The following PCDH15 variants were observed in gnomAD, a reference collection of about 807,000 sequenced individuals.
PCDH15 encodes the protein protocadherin related 15, also known as protocadherin-15.
PCDH15 carries 129 observed loss-of-function variants against 178.5 expected under a neutral mutation model. That is an observed-to-expected ratio of 0.72 (90% CI 0.63 to 0.84). The LOEUF is 0.84. PCDH15 is among the 40% of genes least tolerant of loss of function. The pLI, the probability that PCDH15 is intolerant of heterozygous loss-of-function variation, is 0.00. For synonymous variants in PCDH15, 800 were observed against 732.0 expected (o/e 1.09, Z -1.50); for missense variants, 2,230 against 2,099.9 (o/e 1.06, Z -1.21).
intron 8 of PCDH15, among the ~76,000 whole-genome samples, chr10:54,239,372 A>T (rs2054987498): frequency 6.6e-6 from 1 of 151,508 alleles, no homozygotes; most frequent in African/African-American, 2.4e-5. Context: ...GAAGGGAGAA[A>T]TGAAAATTAA....
At chr10:54,137,848 C>T (rs905676514) in intron 14 of PCDH15, among the ~76,000 whole-genome samples, 6 of 152,286 alleles carry the variant, frequency 3.9e-5, no homozygotes, top group Admixed American at 3.3e-4. Context: ...GTTCCTGTGA[C>T]AGATTTTCGT....
At chr10:54,324,452 A>C (rs927363209) in intron 7 of PCDH15, among the ~76,000 whole-genome samples, 6 of 152,302 alleles carry the variant, frequency 3.9e-5, no homozygotes, top group African/African-American at 1.4e-4. Context: ...ATTATAAATT[A>C]TTCTTGCCAT....
chr10:54,095,092 G>C (rs2094676801), intron 15 of PCDH15, among the ~76,000 whole-genome samples: 1 of 152,186 alleles, frequency 6.6e-6, no homozygotes, highest in South Asian at 2.1e-4. Flanking sequence ...CAAAGTAACT[G>C]CCCTTAGGGA....
chr10:55,589,360 G>C (rs1340388036), intron 2 of PCDH15, among the ~76,000 whole-genome samples: 2 of 152,078 alleles, frequency 1.3e-5, no homozygotes, highest in Admixed American at 1.3e-4. Flanking sequence ...AAGATCAGTA[G>C]TTATAGATAT....
rs2092975789 is a variant in PCDH15 at position 54,023,098 on chromosome 10, C to A, written c.2320G>T (p.Ala774Ser). The A allele has an allele frequency of 4.3e-6, 7 of 1,613,810 alleles. No homozygotes were observed. Among genetic ancestry groups the A allele is most frequent in the Non-Finnish European group, 5.9e-6 (7 of 1,179,900 alleles). Residue 774 changes from alanine (A) to serine (S), a missense_variant, in exon 19 of 38, where the codon GCA (alanine) becomes TCA (serine). Physicochemically the swap from Ala to Ser is moderately conservative, Grantham distance 99 (BLOSUM62 1). Coordinates refer to ENST00000644397, the MANE Select transcript of PCDH15 (RefSeq NM_001384140.1). ...RITSNGSIYT[A>S]VKLNREVRDY... ...CTGACTTCTCTGTTAAGCTTCACTG[C>A]TGTGTAAATGCTCCCATTGGATGTG... is the stretch of plus-strand genomic sequence containing the variant.
At chr10:54,917,982 C>G (rs1591782552) in intron 2 of PCDH15, among the ~76,000 whole-genome samples, 1 of 149,508 alleles carries the variant, frequency 6.7e-6, no homozygotes, top group Admixed American at 6.7e-5. Flanking sequence ...TAAAATTTCT[C>G]TCACTTACGA....
intron 25 of PCDH15, among the ~76,000 whole-genome samples, chr10:53,916,437 T>C (rs1224213337): frequency 1.3e-5 from 2 of 152,218 alleles, no homozygotes; most frequent in African/African-American, 2.4e-5. Context: ...TTTGTTTTCA[T>C]TGGTACTGCC....
rs1222866098 is a variant in PCDH15 at position 54,618,532 on chromosome 10, C to T, written c.91+45640G>A. Among the ~76,000 whole-genome samples, 3 of 151,984 alleles carry T rather than the reference C, an allele frequency of 2.0e-5. No individual in the cohort carries two copies. The East Asian group carries it at 5.8e-4, about 29-fold the overall frequency. On this transcript the variant is annotated intron_variant, in intron 2 of 37. Coordinates refer to ENST00000644397, the MANE Select transcript of PCDH15 (RefSeq NM_001384140.1). ...AGCTTGGTTAGCATAATGTATAGCA[C>T]AGAGTAAGAATATAACAAATGTGAG...
chr10:54,995,733 T>C (rs942500234), intron 2 of PCDH15, among the ~76,000 whole-genome samples: 2 of 151,984 alleles, frequency 1.3e-5, no homozygotes, highest in Non-Finnish European at 2.9e-5. Flanking sequence ...ATGGGGGGCT[T>C]CACAGAGACT....
chr10:54,696,904 A>T (rs1308431573), intron 1 of PCDH15, among the ~76,000 whole-genome samples: 4 of 152,010 alleles, frequency 2.6e-5, no homozygotes, highest in Admixed American at 1.3e-4. Context: ...TTTCCCCAAC[A>T]TCTCCCCTGA....
chr10:54,343,338 ACTCT>A (rs371697032), intron 6 of PCDH15, among the ~76,000 whole-genome samples: 27 of 146,734 alleles, frequency 1.8e-4, no homozygotes, highest in African/African-American at 6.3e-4. Flanking sequence ...TTCCCCCTTC[ACTCT>A]CTCTCTCCTG....
At chr10:54,300,103 C>T (rs10825298) in intron 8 of PCDH15, among the ~76,000 whole-genome samples, 28,007 of 152,086 alleles carry the variant, frequency 0.18, 2,807 homozygotes, top group African/African-American at 0.24. Context: ...ACTGCTGAGG[C>T]CTAGACCTCC....
At chr10:54,812,522 G>T (rs764231343) in intron 3 of PCDH15, among the ~76,000 whole-genome samples, 1 of 151,904 alleles carries the variant, frequency 6.6e-6, no homozygotes, top group East Asian at 1.9e-4. Flanking sequence ...GCAGTGGCGC[G>T]ATCTCAGCTC....
chr10:55,222,115 T>G (rs1252148382), intron 1 of PCDH15, among the ~76,000 whole-genome samples: 2 of 151,736 alleles, frequency 1.3e-5, no homozygotes, highest in Admixed American at 6.6e-5. Flanking sequence ...GACCTTGTGA[T>G]CCACCTGCCT....
intron 3 of PCDH15, among the ~76,000 whole-genome samples, chr10:54,467,592 C>G (rs57701320): frequency 0.059 from 7,451 of 125,700 alleles, 223 homozygotes; most frequent in East Asian, 0.12. Flanking sequence ...TCAAGGATAT[C>G]AAGCTGTAGT....
At chr10:55,483,513 A>G (rs76439729) in intron 2 of PCDH15, among the ~76,000 whole-genome samples, 1 of 151,842 alleles carries the variant, frequency 6.6e-6, no homozygotes, top group East Asian at 1.9e-4. Flanking sequence ...CAAGGAATAC[A>G]CTTATACATT....
intron 25 of PCDH15, among the ~76,000 whole-genome samples, chr10:53,929,090 T>C (rs2084819188): frequency 6.6e-6 from 1 of 152,086 alleles, no homozygotes; most frequent in African/African-American, 2.4e-5. Flanking sequence ...AATATTTTTC[T>C]ATTTTGAAAA....
intron 1 of PCDH15, among the ~76,000 whole-genome samples, chr10:55,252,455 T>C (rs1841864207): frequency 6.6e-6 from 1 of 152,142 alleles, no homozygotes; most frequent in African/African-American, 2.4e-5. Flanking sequence ...ATTATTTATG[T>C]TAATTTCCCA....
At chr10:54,697,047 T>C (rs1409124659) in intron 1 of PCDH15, among the ~76,000 whole-genome samples, 2 of 152,088 alleles carry the variant, frequency 1.3e-5, no homozygotes, top group Non-Finnish European at 2.9e-5. Flanking sequence ...GTAGCTGGGA[T>C]TACAAATGCA....
Sources: gnomAD v4.1 joint callset for allele counts (sites outside exome capture counted in the v4.1 genomes callset) on GRCh38, gnomAD v4.1.1 for gene constraint, MANE v1.5 for transcripts, NCBI Gene and HGNC (gene_info 2026-07-23, HGNC 2026-07-21) for gene names.